SARM1: variants seen among roughly 807,000 people sequenced by gnomAD.
The protein encoded by SARM1 is NAD(+) hydrolase SARM1.
SARM1 carries 60 observed loss-of-function variants against 65.1 expected under a neutral mutation model. The observed-to-expected ratio is 0.92, with a 90% CI of 0.75 to 1.14. SARM1 has a LOEUF of 1.14. Among genes scored for constraint, SARM1 ranks in the 50% most tolerant of loss-of-function variants. The probability of loss-of-function intolerance (pLI) is 0.00; values close to 1 mark genes in which losing one functional copy is unlikely to be tolerated. For synonymous variants in SARM1, 417 were observed against 465.4 expected (o/e 0.90, Z 1.34); for missense variants, 913 against 1,015.7 (o/e 0.90, Z 1.37).
chr17:28,390,230 C>T (rs530263989), intron 7 of SARM1, among the ~76,000 whole-genome samples: 1 of 152,158 alleles, frequency 6.6e-6, no homozygotes, highest in East Asian at 1.9e-4. Context: ...TATCTGAAGA[C>T]CTGGGATCAA....
In SARM1 at chr17:28,384,172, T is replaced by C. The variant is rs907513618; in HGVS notation, c.1090-185T>C. ...CCAACCCATCCGAGTCAGGACCTGG[T>C]CAAGAATTGAGAGAACTTCAGGAGG... On this transcript the variant is annotated intron_variant, in intron 2 of 8. Coordinates refer to ENST00000585482, the MANE Select transcript of SARM1 (RefSeq NM_015077.4). This position sits in a 1 kb window ranked among gnomAD's most constrained non-coding sequence, Gnocchi z 4.4. Among the ~76,000 whole-genome samples, 1 of 151,950 alleles carries C rather than the reference T, an allele frequency of 6.6e-6. No homozygotes were observed. Among genetic ancestry groups the C allele is most frequent in the Non-Finnish European group, 1.5e-5 (1 of 67,990 alleles).
intron 7 of SARM1, 152 bp from the exon 8 acceptor site, chr17:28,395,753 A>G (rs564802425): frequency 2.0e-5 from 15 of 737,980 alleles, no homozygotes; most frequent in African/African-American, 3.5e-5. Flanking sequence ...TTATTACACT[A>G]CAAGGGTTAA....
At chr17:28,381,143 G>T (rs974302677) in intron 1 of SARM1, 60 bp from the exon 2 acceptor site, 5 of 1,522,170 alleles carry the variant, frequency 3.3e-6, no homozygotes, top group Non-Finnish European at 4.4e-6. Context: ...CCCCAAACGG[G>T]CAAGCCAAGC....
At chr17:28,395,107 T>TA (rs1448848930) in intron 7 of SARM1, 1 of 152,162 alleles carries the variant, frequency 6.6e-6, no homozygotes, top group Non-Finnish European at 1.5e-5. Flanking sequence ...CAGAATAACT[T>TA]AAAGTTCCAA....
At chr17:28,386,124 T>G (rs2068049229) in intron 5 of SARM1, among the ~76,000 whole-genome samples, 1 of 152,026 alleles carries the variant, frequency 6.6e-6, no homozygotes. Flanking sequence ...TGAAAGCCCA[T>G]CTCCACTAAA....
intron 7 of SARM1, among the ~76,000 whole-genome samples, chr17:28,389,560 G>T (rs1555586596): frequency 6.6e-6 from 1 of 152,130 alleles, no homozygotes; most frequent in African/African-American, 2.4e-5. Flanking sequence ...CTAAGAGACA[G>T]GATGAGACAA....
chr17:28,374,658 C>G (rs1041371713), intron 1 of SARM1, among the ~76,000 whole-genome samples: 3 of 152,102 alleles, frequency 2.0e-5, no homozygotes, highest in African/African-American at 4.8e-5. Context: ...CTTCACCAAC[C>G]AAGCCCCCAC....
At chr17:28,378,526 G>A (rs1030206607) in intron 1 of SARM1, among the ~76,000 whole-genome samples, 11 of 152,138 alleles carry the variant, frequency 7.2e-5, no homozygotes, top group African/African-American at 2.4e-4. Flanking sequence ...TTGGTCTTGT[G>A]TGCATGTATT....
Position 28,381,201 on chromosome 17 carries a change from A to G in SARM1, c.471-2A>G. 1 of 1,590,134 alleles carries G rather than the reference A, an allele frequency of 6.3e-7. No homozygotes were observed. The highest frequency in any genetic ancestry group is 8.6e-7 in the Non-Finnish European group (1 of 1,168,554). On this transcript the variant is annotated splice_acceptor_variant, in intron 1 of 8. Coordinates refer to ENST00000585482, the MANE Select transcript of SARM1 (RefSeq NM_015077.4). LOFTEE classifies it high-confidence loss of function. The stretch of plus-strand genomic sequence containing the variant: ...CTGTCCCCTTCCACTTTCACTGGGC[A>G]GAGACCGCGTGGCGCGCATTGGGCT...
At position 28,399,531 on chromosome 17, in the gene SARM1, A is replaced by G; in HGVS notation, c.*3245A>G. 1.0e-6 allele frequency: 1 copy of G among 964,500 alleles called. No individual in the cohort carries two copies. Among genetic ancestry groups the G allele is most frequent in the Non-Finnish European group, 1.6e-6 (1 of 622,992 alleles). The allele number at this position is 964,500 out of a possible 1,614,324, so 59.7% of individuals were successfully genotyped here. On this transcript the variant is annotated 3_prime_UTR_variant, in exon 9 of 9. Coordinates refer to ENST00000585482, the MANE Select transcript of SARM1 (RefSeq NM_015077.4). ...TTGGTCTCTCTTGACTACCTCGTCCAAAGAGAGCACTGCCCTTAGACAAGA... is the reference window on the plus strand; with the variant it reads ...TTGGTCTCTCTTGACTACCTCGTCCGAAGAGAGCACTGCCCTTAGACAAGA...
rs2068182280 is a variant in SARM1, at chr17:28,400,483, C to T, written c.*4197C>T. 1 of 1,340,158 alleles carries T rather than the reference C, an allele frequency of 7.5e-7. No homozygotes were observed. 83.0% of individuals were successfully genotyped at this position (1,340,158 alleles called of 1,614,324 possible). On this transcript the variant is annotated 3_prime_UTR_variant, in exon 9 of 9. Coordinates refer to ENST00000585482, the MANE Select transcript of SARM1 (RefSeq NM_015077.4). The stretch of plus-strand genomic sequence containing the variant: ...CAGCCATCTGCAAGGAGAGGGGCAA[C>T]CTGGGACAAGACACCCAGAGGGTAA...
rs1441514184 is a variant in SARM1, at chr17:28,402,942, ATATCTT to A, written c.*6660_*6665del. ...GGTTGGGCCCTAAATGCCGTCACAC[ATATCTT>A]TATAAGAGGAAAGCAGACGGAGATT... is the stretch of plus-strand genomic sequence containing the variant. On this transcript the variant is annotated 3_prime_UTR_variant, in exon 9 of 9. Transcript: ENST00000585482. The A allele has an allele frequency of 6.6e-6, 1 of 152,300 alleles. No homozygotes were observed. The highest frequency in any genetic ancestry group is 1.5e-5 in the Non-Finnish European group (1 of 68,088). The allele number at this position is 152,300 out of a possible 1,614,324, so 9.4% of individuals were successfully genotyped here. A position where few individuals can be genotyped will look rare whatever the true frequency, so the allele number is the denominator to read the frequency against.
Position 28,399,374 on chromosome 17 carries a change from A to G in SARM1, c.*3088A>G. ...CCTCTGGCCTGTGGGGTTATAAGTGATGGATAGCAGAAAGGGAGAACTGAC... is the reference window on the plus strand; with the variant it reads ...CCTCTGGCCTGTGGGGTTATAAGTGGTGGATAGCAGAAAGGGAGAACTGAC... On this transcript the variant is annotated 3_prime_UTR_variant, in exon 9 of 9. Coordinates refer to ENST00000585482, the MANE Select transcript of SARM1 (RefSeq NM_015077.4). The G allele has an allele frequency of 4.4e-6, 2 of 457,446 alleles. No individual in the cohort carries two copies. Among genetic ancestry groups the G allele is most frequent in the Non-Finnish European group, 4.0e-6 (1 of 249,710 alleles). 28.3% of individuals were successfully genotyped at this position (457,446 alleles called of 1,614,324 possible).
At position 28,385,291 on chromosome 17, in the gene SARM1, C is replaced by T. The variant is rs1555585895; in HGVS notation, c.1630+16C>T. Reference sequence around the variant, plus strand: ...GCGGCCAGAGGTCAGCCCGCTCACCCGGGACCCCGCCCCAGCCCCAGCCCC... The same window carrying T: ...GCGGCCAGAGGTCAGCCCGCTCACCTGGGACCCCGCCCCAGCCCCAGCCCC... On this transcript the variant is annotated intron_variant, in intron 5 of 8. Transcript: ENST00000585482. This position sits in a 1 kb window ranked among gnomAD's most constrained non-coding sequence, Gnocchi z 4.5. The T allele has an allele frequency of 9.3e-6, 14 of 1,502,386 alleles. No individual in the cohort carries two copies. Among genetic ancestry groups the T allele is most frequent in the South Asian group, 3.8e-5 (3 of 79,010 alleles). 93.1% of individuals were successfully genotyped at this position (1,502,386 alleles called of 1,614,324 possible). A position where few individuals can be genotyped will look rare whatever the true frequency, so the allele number is the denominator to read the frequency against.
rs1359546788 is a variant in SARM1 at position 28,381,802 on chromosome 17, G to A, written c.1070G>A (p.Ser357Asn). ...FYLCAEAAIK[S>N]LQGKTKVFSD... ...CTCTGCGCCGAGGCTGCCATCAAGAGCCTGCAAGGCAAGACCAAGGTGGGT... is the reference window on the plus strand; with the variant it reads ...CTCTGCGCCGAGGCTGCCATCAAGAACCTGCAAGGCAAGACCAAGGTGGGT... The change falls in exon 2 of 9, where the codon AGC (serine) becomes AAC (asparagine). Residue 357 changes from serine (S) to asparagine (N), a missense_variant. Coordinates refer to ENST00000585482, the MANE Select transcript of SARM1 (RefSeq NM_015077.4). 5.5e-6 allele frequency: 8 copies of A among 1,451,198 alleles called. No homozygotes were observed. Among genetic ancestry groups the A allele is most frequent in the Non-Finnish European group, 6.4e-6 (7 of 1,100,598 alleles). 89.9% of individuals were successfully genotyped at this position (1,451,198 alleles called of 1,614,324 possible).
rs2068115746 is a variant in SARM1 at position 28,395,904 on chromosome 17, G to A, written c.1924-1G>A. On this transcript the variant is annotated splice_acceptor_variant, in intron 7 of 8. Transcript: ENST00000585482. LOFTEE classifies it high-confidence loss of function. Reference sequence around the variant, plus strand: ...CTTCCTCCTTTCCTTTCTTTCTCCAGGAGATTGTGACTGCTTTAAGCTGCG... The same window carrying A: ...CTTCCTCCTTTCCTTTCTTTCTCCAAGAGATTGTGACTGCTTTAAGCTGCG... 6.2e-7 allele frequency: 1 copy of A among 1,613,774 alleles called. No individual in the cohort carries two copies. Among genetic ancestry groups the A allele is most frequent in the Non-Finnish European group, 8.5e-7 (1 of 1,179,894 alleles).
chr17:28,399,871 T>A lies in SARM1; in HGVS notation c.*3585T>A. ...AGAAGCTGAGAGCTGGAGGACAATA[T>A]CCAGGGACATGGCTCTGGAAAATAA... On this transcript the variant is annotated 3_prime_UTR_variant, in exon 9 of 9. Transcript: ENST00000585482. 2.8e-6 allele frequency: 2 copies of A among 716,774 alleles called. No individual in the cohort carries two copies. Among genetic ancestry groups the A allele is most frequent in the South Asian group, 3.2e-5 (2 of 62,608 alleles). The allele number at this position is 716,774 out of a possible 1,614,324, so 44.4% of individuals were successfully genotyped here.
At position 28,396,810 on chromosome 17, in the gene SARM1, T is replaced by C. The variant is rs868964014; in HGVS notation, c.*524T>C. 6.4e-6 allele frequency: 1 copy of C among 156,152 alleles called. No homozygotes were observed. Among genetic ancestry groups the C allele is most frequent in the African/African-American group, 2.4e-5 (1 of 41,508 alleles). 9.7% of individuals were successfully genotyped at this position (156,152 alleles called of 1,614,324 possible). A position where few individuals can be genotyped will look rare whatever the true frequency, so the allele number is the denominator to read the frequency against. On this transcript the variant is annotated 3_prime_UTR_variant, in exon 9 of 9. Coordinates refer to ENST00000585482, the MANE Select transcript of SARM1 (RefSeq NM_015077.4). ...GCACTTACAACTTCCTGCCGCTCTG[T>C]GGCCTTGCCCTGTAATCACTCAGTG...
chr17:28,380,923 G>C (rs1207700615), intron 1 of SARM1, among the ~76,000 whole-genome samples: 1 of 152,242 alleles, frequency 6.6e-6, no homozygotes, highest in Non-Finnish European at 1.5e-5. Context: ...GGACCCAGGG[G>C]ATCTGCTCCT....
Sources: gnomAD v4.1 joint callset for allele counts (sites outside exome capture counted in the v4.1 genomes callset) on GRCh38, gnomAD v4.1.1 for gene constraint, Gnocchi (gnomAD v3.1) non-coding constraint, MANE v1.5 for transcripts, NCBI Gene and HGNC (gene_info 2026-07-23, HGNC 2026-07-21) for gene names.